The following PARD3B variants were observed in gnomAD, a reference collection of about 807,000 sequenced individuals.
PARD3B encodes par-3 family cell polarity regulator beta.
In PARD3B, 103 loss-of-function variants were observed where a neutral mutation model predicts 130.2. The observed-to-expected ratio is 0.79, with a 90% CI of 0.67 to 0.93. The LOEUF (loss-of-function observed/expected upper bound fraction) is 0.93. Among genes scored for constraint, PARD3B ranks in the 40% least tolerant of loss-of-function variants. The probability of loss-of-function intolerance (pLI) is 0.00; values close to 1 mark genes in which losing one functional copy is unlikely to be tolerated. For synonymous variants in PARD3B, 583 were observed against 553.2 expected, an observed-to-expected ratio of 1.05 and a Z score of -0.76; for missense variants, 1,609 against 1,499.2, an observed-to-expected ratio of 1.07 and a Z score of -1.21.
intron 16 of PARD3B, among the ~76,000 whole-genome samples, chr2:205,270,412 C>G (rs1238363469): frequency 6.6e-6 from 1 of 151,854 alleles, no homozygotes. Context: ...ACTAAAAATA[C>G]AAAAATTAGC....
chr2:204,907,865 C>A lies in PARD3B; in HGVS notation c.223-57287C>A, dbSNP rs145405606. On this transcript the variant is annotated intron_variant, in intron 2 of 22. Transcript: ENST00000406610. This position sits in a 1 kb window ranked among gnomAD's most constrained non-coding sequence, Gnocchi z 5.7. ...TACAGGTGTGTGGTAGCACGCCCAGCTGATTTTTGTATTTTTTGTAGAGAT... is the reference window on the plus strand; with the variant it reads ...TACAGGTGTGTGGTAGCACGCCCAGATGATTTTTGTATTTTTTGTAGAGAT... Among the ~76,000 whole-genome samples the A allele has an allele frequency of 3.7e-3, 559 of 152,130 alleles. 7 individuals carry two copies. The highest frequency in any genetic ancestry group is 0.013 in the African/African-American group (539 of 41,484).
intron 4 of PARD3B, among the ~76,000 whole-genome samples, chr2:205,081,350 C>T (rs1045129348): frequency 5.3e-5 from 8 of 151,986 alleles, no homozygotes; most frequent in Non-Finnish European, 7.4e-5. Flanking sequence ...ACATAGTTCA[C>T]TCAGCACCAT....
At chr2:205,286,334 C>T (rs957513149) in intron 16 of PARD3B, among the ~76,000 whole-genome samples, 12 of 152,094 alleles carry the variant, frequency 7.9e-5, no homozygotes, top group African/African-American at 2.9e-4. Flanking sequence ...GTGCCTGGTA[C>T]AGAGATAGCT....
intron 2 of PARD3B, among the ~76,000 whole-genome samples, chr2:204,931,165 G>A (rs1224372816): frequency 2.0e-5 from 3 of 152,064 alleles, no homozygotes; most frequent in Admixed American, 6.6e-5. Context: ...TCAGTATTTT[G>A]TAGATAAGGA....
intron 11 of PARD3B, among the ~76,000 whole-genome samples, chr2:205,163,163 C>A (rs2034605671): frequency 6.6e-6 from 1 of 152,132 alleles, no homozygotes; most frequent in South Asian, 2.1e-4. Context: ...CTTCACTATG[C>A]TGACTTTGGG....
chr2:205,489,551 T>TATATACGTATATATGTAC (rs1553524259), intron 20 of PARD3B, among the ~76,000 whole-genome samples: 1 of 138,494 alleles, frequency 7.2e-6, no homozygotes, highest in Admixed American at 7.5e-5. Flanking sequence ...TATATATGTA[T>TATATACGTATATATGTAC]ATATATACAT....
chr2:205,226,273 T>C (rs982282863), intron 15 of PARD3B, among the ~76,000 whole-genome samples: 9 of 152,060 alleles, frequency 5.9e-5, no homozygotes, highest in South Asian at 2.1e-4. Context: ...GATCTCCTGA[T>C]CTTGTGATCC....
intron 20 of PARD3B, among the ~76,000 whole-genome samples, chr2:205,492,634 A>G (rs1385240312): frequency 6.6e-6 from 1 of 152,104 alleles, no homozygotes; most frequent in African/African-American, 2.4e-5. Flanking sequence ...GAAAAATCTT[A>G]TTTGTCAATG....
chr2:205,517,666 G>C (rs907021425), intron 21 of PARD3B, among the ~76,000 whole-genome samples: 1 of 152,058 alleles, frequency 6.6e-6, no homozygotes, highest in Non-Finnish European at 1.5e-5. Flanking sequence ...TTTCAGTTGT[G>C]ATGTTTGTTA....
At position 204,764,715 on chromosome 2, in the gene PARD3B, CGTGT is replaced by C. The variant is rs10522212; in HGVS notation, c.222+78458_222+78461del. On this transcript the variant is annotated intron_variant, in intron 2 of 22. Coordinates refer to ENST00000406610, the MANE Select transcript of PARD3B (RefSeq NM_001302769.2). ...CAGCAGGCTGAATCTGGCATGCATG[CGTGT>C]GTGTGTGTGTGTGTGTGTGTGTGTA... is the stretch of plus-strand genomic sequence containing the variant. 8.2e-5 allele frequency among the ~76,000 whole-genome samples: 12 copies of C among 145,752 alleles called. No individual in the cohort carries two copies. The South Asian group carries it at 2.0e-3, about 25-fold the overall frequency.
chr2:205,290,831 T>C (rs1165779241), intron 16 of PARD3B, among the ~76,000 whole-genome samples: 2 of 152,174 alleles, frequency 1.3e-5, no homozygotes, highest in African/African-American at 2.4e-5. Context: ...TGAATAGGTT[T>C]AGTGCTCTTC....
chr2:205,073,766 C>T (rs1426919835), intron 4 of PARD3B, among the ~76,000 whole-genome samples: 4 of 152,110 alleles, frequency 2.6e-5, no homozygotes, highest in African/African-American at 9.7e-5. Flanking sequence ...AAGCCCTAGG[C>T]ACATGTATGA....
At chr2:204,555,732 C>G (rs1261119642) in intron 1 of PARD3B, among the ~76,000 whole-genome samples, 1 of 152,162 alleles carries the variant, frequency 6.6e-6, no homozygotes, top group African/African-American at 2.4e-5. Context: ...GATCGCTTGT[C>G]ATGTTATTCA....
chr2:204,883,557 C>T (rs1352205109), intron 2 of PARD3B, among the ~76,000 whole-genome samples: 14 of 148,122 alleles, frequency 9.5e-5, no homozygotes, highest in African/African-American at 3.3e-4. Flanking sequence ...AAGCAATTCT[C>T]CTGCCTCAGC....
intron 3 of PARD3B, among the ~76,000 whole-genome samples, chr2:205,034,816 A>T (rs1697686454): frequency 6.6e-6 from 1 of 152,106 alleles, no homozygotes; most frequent in Admixed American, 6.6e-5. Context: ...TCTCGATATT[A>T]TACTTTTTTC....
chr2:204,975,802 G>A (rs1692090837), intron 3 of PARD3B, among the ~76,000 whole-genome samples: 2 of 152,168 alleles, frequency 1.3e-5, no homozygotes, highest in South Asian at 4.1e-4. Context: ...TGCCCTATAT[G>A]TAAACTTATC....
At chr2:205,106,495 G>A (rs1249327810) in intron 5 of PARD3B, among the ~76,000 whole-genome samples, 2 of 119,400 alleles carry the variant, frequency 1.7e-5, no homozygotes, top group Non-Finnish European at 3.3e-5. Context: ...GTGTGTGTGT[G>A]TGTGTGTGTG....
At chr2:204,683,165 C>T (rs573773629) in intron 1 of PARD3B, among the ~76,000 whole-genome samples, 74 of 152,174 alleles carry the variant, frequency 4.9e-4, no homozygotes, top group African/African-American at 1.8e-3. Flanking sequence ...ATAATTATAA[C>T]ATTATTTTTC....
intron 15 of PARD3B, among the ~76,000 whole-genome samples, chr2:205,240,363 A>C (rs1034227825): frequency 6.6e-6 from 1 of 152,220 alleles, no homozygotes; most frequent in Non-Finnish European, 1.5e-5. Context: ...TTATGGCCTC[A>C]TTAGAAGATG....
Sources: allele counts gnomAD v4.1 joint callset (sites outside exome capture counted in the v4.1 genomes callset), GRCh38; gene constraint gnomAD v4.1.1; non-coding constraint Gnocchi (gnomAD v3.1); transcripts MANE v1.5; gene names NCBI Gene and HGNC (gene_info 2026-07-23, HGNC 2026-07-21).